Variants in ATXN2L observed in about 807,000 individuals in gnomAD.
ATXN2L encodes ataxin-2-like protein.
In ATXN2L, 24 loss-of-function variants were observed where a neutral mutation model predicts 120.7. The ratio of observed to expected loss-of-function variants is 0.20; its 90% CI spans 0.14 to 0.28. The LOEUF (loss-of-function observed/expected upper bound fraction) is 0.28, where lower values mean the gene tolerates loss of function less well. Ranked by LOEUF, ATXN2L falls within the 10% of genes least tolerant of loss-of-function variation. The pLI is 1.00. For synonymous variants in ATXN2L, 653 were observed against 568.1 expected (o/e 1.15, Z -2.13); for missense variants, 1,312 against 1,432.3 (o/e 0.92, Z 1.36).
At position 28,829,897 on chromosome 16, in the gene ATXN2L, G is replaced by A; in HGVS notation, c.873G>A (p.Gln291=). The A allele has an allele frequency of 6.2e-7, 1 of 1,614,260 alleles. No individual in the cohort carries two copies. The highest frequency in any genetic ancestry group is 8.5e-7 in the Non-Finnish European group (1 of 1,180,054). ...LEKDNSEEFR[Q]RELRAAQLAR... ...AGGACAACTCAGAAGAGTTTCGTCA[G>A]CGAGAGCTGCGTGCGGCCCAGTTGG... The change falls in exon 8 of 22, where the codon CAG becomes CAA. Residue 291 remains glutamine, a synonymous_variant. Coordinates refer to ENST00000336783, the MANE Select transcript of ATXN2L (RefSeq NM_007245.4).
chr16:28,830,514 G>C (rs1432604817), intron 8 of ATXN2L, 101 bp from the exon 9 acceptor site: 1 of 1,178,412 alleles, frequency 8.5e-7, no homozygotes, highest in African/African-American at 1.5e-5. Flanking sequence ...GTGTGTGTAT[G>C]TTTGGGGGCA....
intron 4 of ATXN2L, 51 bp from the exon 5 acceptor site, chr16:28,826,189 T>C: frequency 6.2e-7 from 1 of 1,601,404 alleles, no homozygotes; most frequent in South Asian, 1.1e-5. Flanking sequence ...TATTTTTGCC[T>C]TCACTTTTCT....
intron 6 of ATXN2L, among the ~76,000 whole-genome samples, 154 bp downstream of exon 6, chr16:28,827,140 ATATC>A (rs1246631616): frequency 6.6e-6 from 1 of 152,242 alleles, no homozygotes; most frequent in Non-Finnish European, 1.5e-5. Context: ...CAAAGTAAAA[ATATC>A]TATTCTTAGC....
rs769721863 is a variant in ATXN2L, at chr16:28,835,175, C to G, written c.2551C>G (p.Gln851Glu). 1 of 1,612,012 alleles carries G rather than the reference C, an allele frequency of 6.2e-7. No homozygotes were observed. Among genetic ancestry groups the G allele is most frequent in the Non-Finnish European group, 8.5e-7 (1 of 1,178,890 alleles). ...CCCTTCTGCAGAGCAGCCTACCCCC[C>G]AAGCCCTTTATGGTGAGTCCTGCGC... ...QYPSAEQPTP[Q>E]ALYATVHQSY... The change falls in exon 19 of 22, where the codon CAA becomes GAA. Residue 851 changes from glutamine to glutamate, a missense_variant. By Grantham distance (29) the Gln-to-Glu change is conservative. Transcript: ENST00000336783.
rs1386813959 is a variant in ATXN2L at position 28,823,491 on chromosome 16, GCGCCGCAGCCGCCGC to G, written c.242_256del (p.Pro81_Gln85del). Reference sequence around the variant, plus strand: ...CCGCCGGGGAGCCGAAGGCATCTTGGCGCCGCAGCCGCCGCCGCCGCAGCAACACCAGGAGAGGCC... The same window carrying G: ...CCGCCGGGGAGCCGAAGGCATCTTGGCGCCGCAGCAACACCAGGAGAGGCC... On this transcript the variant is annotated inframe_deletion, in exon 1 of 22. Transcript: ENST00000336783. 1.5e-5 allele frequency: 21 copies of G among 1,380,650 alleles called. No individual in the cohort carries two copies. The highest frequency in any genetic ancestry group is 4.5e-5 in the African/African-American group (3 of 65,988). 85.5% of individuals were successfully genotyped at this position (1,380,650 alleles called of 1,614,324 possible). A position where few individuals can be genotyped will look rare whatever the true frequency, so the allele number is the denominator to read the frequency against.
At chr16:28,834,002 C>G (rs894524461) in intron 15 of ATXN2L, 63 bp from the exon 16 acceptor site, 2 of 1,556,938 alleles carry the variant, frequency 1.3e-6, no homozygotes, top group Non-Finnish European at 8.8e-7. Context: ...TATTACCACT[C>G]TAGGCATGGC....
Position 28,835,913 on chromosome 16 carries a change from T to A in ATXN2L, c.2896-20T>A. 1 of 1,548,874 alleles carries A rather than the reference T, an allele frequency of 6.5e-7. No homozygotes were observed. The highest frequency in any genetic ancestry group is 8.7e-7 in the Non-Finnish European group (1 of 1,146,950). On this transcript the variant is annotated intron_variant, in intron 21 of 21. Coordinates refer to ENST00000336783, the MANE Select transcript of ATXN2L (RefSeq NM_007245.4). ...TTCAGGATTCTGTGGTCTTCCCGGC[T>A]ACTTTTTTGTTTTCCACAGGCCCAT...
At chr16:28,832,130 T>C in intron 10 of ATXN2L, 75 bp from the exon 11 acceptor site, 1 of 1,499,724 alleles carries the variant, frequency 6.7e-7, no homozygotes, top group Non-Finnish European at 9.2e-7. Context: ...ACTTTCTTGC[T>C]GTTTTGAGTA....
chr16:28,823,661 T>C, intron 1 of ATXN2L, 103 bp downstream of exon 1: 3 of 1,140,370 alleles, frequency 2.6e-6, no homozygotes, highest in Non-Finnish European at 3.3e-6. Flanking sequence ...GGGCACCGGC[T>C]GGGTGGGGAG....
chr16:28,828,032 T>C (rs755192725), intron 6 of ATXN2L, among the ~76,000 whole-genome samples: 6 of 152,250 alleles, frequency 3.9e-5, no homozygotes, highest in Non-Finnish European at 5.9e-5. Context: ...AGTTCTTTGC[T>C]TCTATTGTTG....
Position 28,835,616 on chromosome 16 carries a change from C to T in ATXN2L, c.2753C>T (p.Ala918Val). The change falls in exon 21 of 22, where the codon GCC (alanine) becomes GTC (valine). Residue 918 changes from alanine (A) to valine (V), a missense_variant. Transcript: ENST00000336783. ...CAGCAGAATCTGTACCACCCAGGGGCCCTGACAGGCACGCCGCCCTCTCTG... is the reference window on the plus strand; with the variant it reads ...CAGCAGAATCTGTACCACCCAGGGGTCCTGACAGGCACGCCGCCCTCTCTG... ...QPQQNLYHPG[A>V]LTGTPPSLPP... 1.9e-6 allele frequency: 3 copies of T among 1,614,056 alleles called. No homozygotes were observed. Among genetic ancestry groups the T allele is most frequent in the Non-Finnish European group, 1.7e-6 (2 of 1,179,968 alleles).
Position 28,830,033 on chromosome 16 carries a change from C to T in ATXN2L, c.1009C>T (p.Arg337Trp), listed in dbSNP as rs373223341. The T allele has an allele frequency of 7.4e-6, 12 of 1,611,378 alleles. No homozygotes were observed. Among genetic ancestry groups the T allele is most frequent in the African/African-American group, 5.3e-5 (4 of 74,876 alleles). ...HSAVQRQGSG[R>W]ESPSLASREG... ...TGCAGTCCAGCGGCAGGGCTCAGGG[C>T]GGGAGAGCCCCAGCTTGGCATCCAG... The change falls in exon 8 of 22, where the codon CGG (arginine) becomes TGG (tryptophan). Residue 337 changes from arginine to tryptophan, a missense_variant. Physicochemically the swap from Arg to Trp is moderately radical, Grantham distance 101. Coordinates refer to ENST00000336783, the MANE Select transcript of ATXN2L (RefSeq NM_007245.4).
chr16:28,824,233 G>A (rs979758948), intron 1 of ATXN2L: 21 of 1,102,004 alleles, frequency 1.9e-5, no homozygotes, highest in Non-Finnish European at 2.2e-5. Context: ...TTCGTGGAGG[G>A]GCTCGTCTGG....
At chr16:28,824,174 C>T (rs763685827) in intron 1 of ATXN2L, 10 of 1,037,726 alleles carry the variant, frequency 9.6e-6, no homozygotes, top group Non-Finnish European at 1.2e-5. Context: ...TGCTCGGTCT[C>T]ATGACCCGGG....
chr16:28,836,646 G>T lies in ATXN2L; in HGVS notation c.*381G>T. On this transcript the variant is annotated 3_prime_UTR_variant, in exon 22 of 22. Transcript: ENST00000336783. ...CGCTCCTTCCCAGACACACCCCCAC[G>T]CCCCCACTGGACGGCATTGGAGGAA... 2 of 1,609,104 alleles carry T rather than the reference G, an allele frequency of 1.2e-6. No individual in the cohort carries two copies. Among genetic ancestry groups the T allele is most frequent in the Non-Finnish European group, 1.7e-6 (2 of 1,178,800 alleles).
In ATXN2L at chr16:28,836,420, A is replaced by T. The variant is rs747298729; in HGVS notation, c.*155A>T. ...CTCCGTCCTCGCTCAGTTGTGATCC[A>T]GCAGCCCCCCTCCCCACTGCCTCCC... On this transcript the variant is annotated 3_prime_UTR_variant, in exon 22 of 22. Transcript: ENST00000336783. The T allele has an allele frequency of 2.5e-6, 4 of 1,613,298 alleles. No homozygotes were observed. In the South Asian group the frequency reaches 3.3e-5, roughly 13 times the overall value.
chr16:28,833,744 G>A (rs2055419157), intron 15 of ATXN2L: 1 of 612,414 alleles, frequency 1.6e-6, no homozygotes, highest in Non-Finnish European at 2.9e-6. Context: ...TCTGATGAGG[G>A]GTTAACAGGC....
Position 28,826,864 on chromosome 16 carries a change from A to G in ATXN2L, c.619A>G (p.Lys207Glu). Residue 207 changes from lysine to glutamate, a missense_variant and splice_region_variant, in exon 6 of 22, where the codon AAG (lysine) becomes GAG (glutamate). Lys to Glu is a moderately conservative substitution (Grantham distance 56). Coordinates refer to ENST00000336783, the MANE Select transcript of ATXN2L (RefSeq NM_007245.4). Reference sequence around the variant, plus strand: ...GATCTTCACCTCTGCCCCCACAGACAAGTTCACCGATTCAGCCATTGCCAT... The same window carrying G: ...GATCTTCACCTCTGCCCCCACAGACGAGTTCACCGATTCAGCCATTGCCAT... ...NVDFNYATKD[K>E]FTDSAIAMNS... The G allele has an allele frequency of 6.3e-7, 1 of 1,578,090 alleles. No homozygotes were observed. The highest frequency in any genetic ancestry group is 8.6e-7 in the Non-Finnish European group (1 of 1,158,018).
intron 5 of ATXN2L, 23 bp downstream of exon 5, chr16:28,826,413 C>T: frequency 6.2e-7 from 1 of 1,611,802 alleles, no homozygotes; most frequent in Non-Finnish European, 8.5e-7. Context: ...GCTGTTACCT[C>T]AGACCTGCTC....
Sources: allele counts gnomAD v4.1 joint callset (sites outside exome capture counted in the v4.1 genomes callset), GRCh38; gene constraint gnomAD v4.1.1; transcripts MANE v1.5; gene names NCBI Gene and HGNC (gene_info 2026-07-23, HGNC 2026-07-21).